The following ADAMTS6 variants were observed in gnomAD, a reference collection of about 807,000 sequenced individuals.
The protein encoded by ADAMTS6 is A disintegrin and metalloproteinase with thrombospondin motifs 6.
ADAMTS6 carries 23 observed loss-of-function variants against 144.3 expected under a neutral mutation model. The ratio of observed to expected loss-of-function variants is 0.16; its 90% CI spans 0.11 to 0.23. ADAMTS6 has a LOEUF of 0.23. Among genes scored for constraint, ADAMTS6 ranks in the 10% least tolerant of loss-of-function variants. ADAMTS6 has a pLI of 1.00. For synonymous variants in ADAMTS6, 444 were observed against 457.5 expected (o/e 0.97, Z 0.38); for missense variants, 999 against 1,379.6 (o/e 0.72, Z 4.37).
intron 7 of ADAMTS6, among the ~76,000 whole-genome samples, chr5:65,350,114 C>T (rs1328870500): frequency 2.0e-5 from 3 of 151,920 alleles, no homozygotes; most frequent in Admixed American, 2.0e-4. Context: ...GATGAATGCC[C>T]TTTGAGCTCT....
Position 65,470,930 on chromosome 5 carries a change from T to C in ADAMTS6, c.310A>G (p.Thr104Ala). The change falls in exon 3 of 25, where the codon ACA (threonine) becomes GCA (alanine). Residue 104 changes from threonine to alanine, a missense_variant. Physicochemically the swap from Thr to Ala is moderately conservative, Grantham distance 58. Coordinates refer to ENST00000381055, the MANE Select transcript of ADAMTS6 (RefSeq NM_197941.4). The stretch of plus-strand genomic sequence containing the variant: ...GTAAAATGTTTGGACACAAAATCTG[T>C]GTTGAGAGTCAAGTTTAGATGAAAG... Reference protein sequence around the residue: ...KHFHLNLTLNTDFVSKHFTVE... With the variant: ...KHFHLNLTLNADFVSKHFTVE... The C allele has an allele frequency of 1.9e-6, 3 of 1,612,954 alleles. No individual in the cohort carries two copies. Among genetic ancestry groups the C allele is most frequent in the Non-Finnish European group, 2.5e-6 (3 of 1,179,622 alleles).
chr5:65,464,420 G>A (rs975598507), intron 3 of ADAMTS6, among the ~76,000 whole-genome samples: 5 of 152,056 alleles, frequency 3.3e-5, no homozygotes, highest in African/African-American at 1.2e-4. Flanking sequence ...TTAAAAGAAT[G>A]CAAAAACCGT....
chr5:65,372,932 T>G (rs943928841), intron 7 of ADAMTS6, among the ~76,000 whole-genome samples: 3 of 152,106 alleles, frequency 2.0e-5, no homozygotes, highest in African/African-American at 2.4e-5. Flanking sequence ...GCAATCAAAC[T>G]AGAACTCAGG....
intron 7 of ADAMTS6, among the ~76,000 whole-genome samples, chr5:65,346,823 T>C (rs1374798251): frequency 6.6e-6 from 1 of 151,692 alleles, no homozygotes; most frequent in African/African-American, 2.4e-5. Flanking sequence ...AAAAAACTGT[T>C]AGAACTAATA....
chr5:65,152,008 C>G, intron 24 of ADAMTS6, 63 bp from the exon 25 acceptor site: 1 of 1,399,680 alleles, frequency 7.1e-7, no homozygotes, highest in Non-Finnish European at 1.0e-6. Context: ...CATAAACAAG[C>G]CGATGGGCCT....
intron 14 of ADAMTS6, among the ~76,000 whole-genome samples, chr5:65,245,984 T>C (rs1028672622): frequency 2.6e-5 from 4 of 152,188 alleles, no homozygotes; most frequent in African/African-American, 9.6e-5. Context: ...TATTAATTTC[T>C]CAGTCAATAT....
chr5:65,166,592 C>T (rs1439839636), intron 24 of ADAMTS6, among the ~76,000 whole-genome samples: 7 of 28,468 alleles, frequency 2.5e-4, no homozygotes, highest in Non-Finnish European at 4.4e-4. Flanking sequence ...TTTTTCAGCA[C>T]CACACCACAC....
At chr5:65,419,438 T>C (rs370404100) in intron 7 of ADAMTS6, among the ~76,000 whole-genome samples, 1 of 152,112 alleles carries the variant, frequency 6.6e-6, no homozygotes, top group East Asian at 1.9e-4. Context: ...AAAAACTAAC[T>C]ATTGGACACT....
intron 7 of ADAMTS6, among the ~76,000 whole-genome samples, chr5:65,335,620 A>G (rs1399039364): frequency 6.6e-6 from 1 of 152,166 alleles, no homozygotes; most frequent in Non-Finnish European, 1.5e-5. Context: ...TTTGCTGAAC[A>G]TTTATCATAT....
At chr5:65,381,529 ATTTTTTTTTTTTTTTT>A (rs748143650) in intron 7 of ADAMTS6, among the ~76,000 whole-genome samples, 18 of 103,086 alleles carry the variant, frequency 1.7e-4, no homozygotes, top group Non-Finnish European at 3.2e-4. Context: ...TGCCTGGCTA[ATTTTTTTTTTTTTTTT>A]TTTTTTTTTT....
chr5:65,442,065 A>G (rs1757905743), intron 7 of ADAMTS6, among the ~76,000 whole-genome samples: 1 of 151,828 alleles, frequency 6.6e-6, no homozygotes, highest in Admixed American at 6.6e-5. Context: ...ACAGACGGAA[A>G]CAAATCAATG....
intron 10 of ADAMTS6, among the ~76,000 whole-genome samples, chr5:65,295,134 A>T (rs1742708130): frequency 6.6e-6 from 1 of 152,074 alleles, no homozygotes; most frequent in South Asian, 2.1e-4. Context: ...CATCTGGATT[A>T]TTTCCAATTT....
chr5:65,386,196 C>T (rs1752461534), intron 7 of ADAMTS6, among the ~76,000 whole-genome samples: 2 of 152,096 alleles, frequency 1.3e-5, no homozygotes, highest in Admixed American at 6.5e-5. Flanking sequence ...TATGTCATGT[C>T]TAACATTGAT....
At chr5:65,216,760 T>A (rs1347973087) in intron 18 of ADAMTS6, among the ~76,000 whole-genome samples, 1 of 145,044 alleles carries the variant, frequency 6.9e-6, no homozygotes, top group East Asian at 2.0e-4. Flanking sequence ...ATGCATACTT[T>A]AAAAAAATCT....
intron 11 of ADAMTS6, among the ~76,000 whole-genome samples, chr5:65,276,050 T>C (rs1300401893): frequency 2.6e-5 from 4 of 152,154 alleles, no homozygotes; most frequent in Non-Finnish European, 4.4e-5. Context: ...ACGATACTTA[T>C]TGCATCTATC....
rs577452464 is a variant in ADAMTS6, at chr5:65,337,662, A to C, written c.1074-3577T>G. On this transcript the variant is annotated intron_variant, in intron 7 of 24. Transcript: ENST00000381055. ...TCTTATATTTAAATATCATTTTTAA[A>C]TTTTATGCTATAATAATAATCTTCA... is the stretch of plus-strand genomic sequence containing the variant. 1.2e-4 allele frequency among the ~76,000 whole-genome samples: 19 copies of C among 152,212 alleles called. No homozygotes were observed. In the Middle Eastern group the frequency reaches 0.014, roughly 109 times the overall value.
chr5:65,169,549 T>G (rs375442971), intron 24 of ADAMTS6, among the ~76,000 whole-genome samples: 118 of 138,992 alleles, frequency 8.5e-4, no homozygotes, highest in African/African-American at 1.1e-3. Flanking sequence ...TATACCCAAA[T>G]GACTATAAAT....
intron 24 of ADAMTS6, among the ~76,000 whole-genome samples, chr5:65,164,370 G>C (rs1418009154): frequency 6.7e-6 from 1 of 148,272 alleles, no homozygotes; most frequent in East Asian, 2.0e-4. Context: ...CACCTGGCTC[G>C]GAGGGTCCTA....
In ADAMTS6 at chr5:65,405,140, T is replaced by C. The variant is rs567766577; in HGVS notation, c.1073+46335A>G. 5.9e-5 allele frequency among the ~76,000 whole-genome samples: 9 copies of C among 152,356 alleles called. No individual in the cohort carries two copies. The South Asian group carries it at 8.3e-4, about 14-fold the overall frequency. ...AGTTTCTTTTGCTGTGCAGAAGCTC[T>C]TTAGTTTAATTAGATCCCAATTGTC... On this transcript the variant is annotated intron_variant, in intron 7 of 24. Transcript: ENST00000381055.
Sources: allele counts gnomAD v4.1 joint callset (sites outside exome capture counted in the v4.1 genomes callset), GRCh38; gene constraint gnomAD v4.1.1; transcripts MANE v1.5; gene names NCBI Gene and HGNC (gene_info 2026-07-23, HGNC 2026-07-21).